The following LARGE1 variants were observed in gnomAD, a reference collection of about 807,000 sequenced individuals.
LARGE1 encodes xylosyl- and glucuronyltransferase LARGE1.
LARGE1 carries 43 observed loss-of-function variants against 87.6 expected under a neutral mutation model. The ratio of observed to expected loss-of-function variants is 0.49; its 90% CI spans 0.38 to 0.63. The LOEUF is 0.63. LARGE1 is among the 30% of genes least tolerant of loss of function. The pLI is 0.00. For missense variants in LARGE1, 802 were observed against 1,000.2 expected, an observed-to-expected ratio of 0.80 and a Z score of 2.67; for synonymous variants, 434 against 394.6, an observed-to-expected ratio of 1.10 and a Z score of -1.18.
chr22:33,109,238 G>T, the LARGE1 span: 1 of 151,920 alleles, frequency 6.6e-6, no homozygotes. Context: ...AGCCAGGTTT[G>T]GTTGCTAAAG....
At chr22:33,813,833 A>G (rs1365413680) in intron 1 of LARGE1, among the ~76,000 whole-genome samples, 1 of 152,174 alleles carries the variant, frequency 6.6e-6, no homozygotes, top group East Asian at 1.9e-4. Context: ...TTATAGGAAA[A>G]TCTCCACATA....
rs564710061 is a variant in LARGE1 at position 33,499,316 on chromosome 22, T to C, written c.787+65532A>G. On this transcript the variant is annotated intron_variant, in intron 6 of 14. Transcript: ENST00000397394. ...TTTTGTGGCAGCCGTTCGGTTTAGA[T>C]GGGACTGACCTCATCCCTGTTCAAA... is the stretch of plus-strand genomic sequence containing the variant. 2.6e-5 allele frequency among the ~76,000 whole-genome samples: 4 copies of C among 152,368 alleles called. No individual in the cohort carries two copies. In the East Asian group the frequency reaches 5.8e-4, roughly 22 times the overall value.
At chr22:33,244,101 G>T (rs1391776165) in intron 11 of LARGE1, among the ~76,000 whole-genome samples, 1 of 151,958 alleles carries the variant, frequency 6.6e-6, no homozygotes, top group Admixed American at 6.6e-5. Flanking sequence ...CCATTCTCCT[G>T]CCTCAGCCTC....
intron 11 of LARGE1, among the ~76,000 whole-genome samples, chr22:33,188,337 C>T (rs1923597864): frequency 6.6e-6 from 1 of 152,076 alleles, no homozygotes; most frequent in Non-Finnish European, 1.5e-5. Context: ...CCAATCTGCT[C>T]ATTTTGAACC....
chr22:33,679,590 C>T (rs2081686767), intron 2 of LARGE1, among the ~76,000 whole-genome samples: 2 of 152,006 alleles, frequency 1.3e-5, no homozygotes, highest in Admixed American at 1.3e-4. Flanking sequence ...CACCTGTAAT[C>T]CCAAACTTTG....
At chr22:33,394,746 T>C (rs2065666450) in intron 7 of LARGE1, among the ~76,000 whole-genome samples, 1 of 137,454 alleles carries the variant, frequency 7.3e-6, no homozygotes, top group Non-Finnish European at 1.6e-5. Context: ...TGTGTGTGTA[T>C]GTGTGTGTGT....
chr22:33,531,667 T>C (rs1297511243), intron 6 of LARGE1, among the ~76,000 whole-genome samples: 1 of 152,214 alleles, frequency 6.6e-6, no homozygotes, highest in Admixed American at 6.5e-5. Context: ...AAGATCCTGA[T>C]GAACTTGGAA....
At chr22:33,381,175 A>G (rs1415763574) in intron 9 of LARGE1, among the ~76,000 whole-genome samples, 2 of 152,226 alleles carry the variant, frequency 1.3e-5, no homozygotes, top group Admixed American at 6.5e-5. Flanking sequence ...GAAGCTGACC[A>G]CAAATACTCT....
chr22:33,838,769 G>A lies in LARGE1; in HGVS notation c.-82-77211C>T, dbSNP rs1331499351. On this transcript the variant is annotated intron_variant, in intron 1 of 14. Transcript: ENST00000397394. The stretch of plus-strand genomic sequence containing the variant: ...GGTTAAAAGTTCTTCCTGAGATGAT[G>A]TTCATCTCCCTCACTCCCCCAAAGG... Among the ~76,000 whole-genome samples, 6 of 152,310 alleles carry A rather than the reference G, an allele frequency of 3.9e-5. No individual in the cohort carries two copies. In the East Asian group the frequency reaches 1.2e-3, roughly 29 times the overall value.
intron 2 of LARGE1, among the ~76,000 whole-genome samples, chr22:33,672,522 C>T (rs2081446987): frequency 6.6e-6 from 1 of 152,176 alleles, no homozygotes; most frequent in South Asian, 2.1e-4. Context: ...TGCCTGTAGA[C>T]AGTATGTGCC....
intron 3 of LARGE1, among the ~76,000 whole-genome samples, chr22:33,647,283 T>C (rs777862500): frequency 6.6e-6 from 1 of 152,204 alleles, no homozygotes; most frequent in Non-Finnish European, 1.5e-5. Flanking sequence ...ATGGCTTCCT[T>C]GAGTAAAATC....
At chr22:33,340,930 TTC>T (rs1460350775) in intron 9 of LARGE1, among the ~76,000 whole-genome samples, 2 of 151,846 alleles carry the variant, frequency 1.3e-5, no homozygotes, top group Admixed American at 1.3e-4. Flanking sequence ...TTTTAAAACA[TTC>T]TGTTTCATGC....
chr22:33,397,798 C>T (rs2147278966), intron 7 of LARGE1, among the ~76,000 whole-genome samples: 1 of 152,328 alleles, frequency 6.6e-6, no homozygotes, highest in Middle Eastern at 3.4e-3. Flanking sequence ...CCACTAAAAA[C>T]TGGCATTGTC....
the LARGE1 span, among the ~76,000 whole-genome samples, chr22:33,122,314 T>G: frequency 1.3e-5 from 2 of 151,832 alleles, no homozygotes; most frequent in East Asian, 3.9e-4. Flanking sequence ...CATCTGCATG[T>G]TCGTGGGCAG....
intron 9 of LARGE1, among the ~76,000 whole-genome samples, chr22:33,357,755 T>C (rs1048697607): frequency 7.2e-5 from 11 of 151,910 alleles, no homozygotes; most frequent in Non-Finnish European, 8.8e-5. Flanking sequence ...GATTGCACCA[T>C]TGCACTCCAG....
At chr22:33,686,831 A>G (rs1044665405) in intron 2 of LARGE1, among the ~76,000 whole-genome samples, 1 of 152,210 alleles carries the variant, frequency 6.6e-6, no homozygotes, top group Non-Finnish European at 1.5e-5. Context: ...AGGATGTTCA[A>G]TTATGTCCAA....
chr22:33,510,611 A>C (rs1602181347), intron 6 of LARGE1, among the ~76,000 whole-genome samples: 1 of 152,300 alleles, frequency 6.6e-6, no homozygotes, highest in East Asian at 1.9e-4. Context: ...ATCTAACTCC[A>C]GGAGGGTAGG....
chr22:33,826,226 T>G (rs2062778655), intron 1 of LARGE1, among the ~76,000 whole-genome samples: 1 of 152,138 alleles, frequency 6.6e-6, no homozygotes. Flanking sequence ...CATCTATTAC[T>G]CGACTCTTGC....
chr22:33,888,427 C>T (rs2064916599), intron 1 of LARGE1, among the ~76,000 whole-genome samples: 1 of 152,182 alleles, frequency 6.6e-6, no homozygotes, highest in South Asian at 2.1e-4. Context: ...CATTTCCCTT[C>T]CAACCAAGAA....
Sources: allele counts gnomAD v4.1 joint callset (sites outside exome capture counted in the v4.1 genomes callset), GRCh38; gene constraint gnomAD v4.1.1; transcripts MANE v1.5; gene names NCBI Gene and HGNC (gene_info 2026-07-23, HGNC 2026-07-21).